Variants in MYO9B observed in about 807,000 individuals in gnomAD.
MYO9B encodes myosin IXB.
Under a neutral mutation model 229.5 loss-of-function variants are expected in MYO9B, and 71 were observed. That is an observed-to-expected ratio of 0.31 (90% CI 0.26 to 0.38). The LOEUF is 0.38. Ranked by LOEUF, MYO9B falls within the 10% of genes least tolerant of loss-of-function variation. MYO9B has a pLI of 1.00. For synonymous variants in MYO9B, 1,185 were observed against 1,235.8 expected (o/e 0.96, Z 0.86); for missense variants, 2,255 against 2,920.5 (o/e 0.77, Z 5.25).
At chr19:17,194,486 A>G (rs980199306) in intron 21 of MYO9B, 70 bp from the exon 22 acceptor site, 4 of 1,544,720 alleles carry the variant, frequency 2.6e-6, no homozygotes, top group Non-Finnish European at 3.5e-6. Flanking sequence ...TGGGGGTCCC[A>G]TCGGAACTCA....
At chr19:17,211,440 A>G (rs905896727) in intron 38 of MYO9B, among the ~76,000 whole-genome samples, 1 of 151,952 alleles carries the variant, frequency 6.6e-6, no homozygotes, top group Non-Finnish European at 1.5e-5. Context: ...ACGCCTGGCT[A>G]ATTTTTTTTA....
At position 17,212,578 on chromosome 19, in the gene MYO9B, C is replaced by G. The variant is rs1386058547; in HGVS notation, c.*268C>G. On this transcript the variant is annotated 3_prime_UTR_variant, in exon 40 of 40. Coordinates refer to ENST00000682292, the MANE Select transcript of MYO9B (RefSeq NM_004145.4). This position sits in a 1 kb window ranked among gnomAD's most constrained non-coding sequence, Gnocchi z 5.4. ...CCTGCGGCCTCACATCTCCCCACTC[C>G]CCTTTTTGTACGTTTAACTGTTTCT... The G allele has an allele frequency of 4.6e-6, 2 of 438,716 alleles. No individual in the cohort carries two copies. Among genetic ancestry groups the G allele is most frequent in the African/African-American group, 4.1e-5 (2 of 48,902 alleles). 27.2% of individuals were successfully genotyped at this position (438,716 alleles called of 1,614,324 possible).
chr19:17,149,845 A>G (rs1203721053), intron 3 of MYO9B, among the ~76,000 whole-genome samples: 1 of 152,160 alleles, frequency 6.6e-6, no homozygotes, highest in African/African-American at 2.4e-5. Context: ...GGAAGGGGCC[A>G]TCATCTGTCA....
Position 17,212,176 on chromosome 19 carries a change from C to A in MYO9B, c.6340C>A (p.Pro2114Thr). 1 of 1,581,058 alleles carries A rather than the reference C, an allele frequency of 6.3e-7. No homozygotes were observed. Among genetic ancestry groups the A allele is most frequent in the Non-Finnish European group, 8.6e-7 (1 of 1,165,042 alleles). Residue 2114 changes from proline (P) to threonine (T), a missense_variant, in exon 40 of 40, where the codon CCC becomes ACC. Physicochemically the swap from Pro to Thr is conservative, Grantham distance 38. This residue lies in a region of MYO9B where 331 missense variants were observed against 332.5 expected (regional missense o/e 1.00). Transcript: ENST00000682292. This position sits in a 1 kb window ranked among gnomAD's most constrained non-coding sequence, Gnocchi z 5.4. ...CCAGATACATTCCGTGTACATCACGCCCGGGGCAGACCTGCCAGTGCAGGG... is the reference window on the plus strand; with the variant it reads ...CCAGATACATTCCGTGTACATCACGACCGGGGCAGACCTGCCAGTGCAGGG... ...PDQIHSVYIT[P>T]GADLPVQGAL...
chr19:17,206,302 T>C lies in MYO9B; in HGVS notation c.5312T>C (p.Leu1771Pro). Residue 1771 changes from leucine to proline, a missense_variant, in exon 33 of 40, where the codon CTG becomes CCG. Physicochemically the swap from Leu to Pro is moderately conservative, Grantham distance 98 (BLOSUM62 -3). Around this residue, in one of 7 missense-constraint regions of MYO9B, gnomAD observed 416 missense variants for 605.5 expected, o/e 0.69. Transcript: ENST00000682292. The part of the protein sequence containing the change: ...NFPIHAITGV[L>P]KQWLRELPEP... ...CCCATCCACGCCATCACAGGGGTGC[T>C]GAAGCAGTGGCTGCGGGAGCTGCCC... The C allele has an allele frequency of 6.5e-7, 1 of 1,530,788 alleles. No homozygotes were observed. The highest frequency in any genetic ancestry group is 8.8e-7 in the Non-Finnish European group (1 of 1,132,658). The allele number at this position is 1,530,788 out of a possible 1,614,324, so 94.8% of individuals were successfully genotyped here.
chr19:17,175,562 G>C (rs550371047), intron 13 of MYO9B, 101 bp from the exon 14 acceptor site: 2 of 952,484 alleles, frequency 2.1e-6, no homozygotes, highest in Non-Finnish European at 3.1e-6. Flanking sequence ...CTGGGTGACA[G>C]AGCAAGACTC....
chr19:17,152,453 CT>C (rs2072488753), intron 3 of MYO9B, 190 bp from the exon 4 acceptor site: 8 of 167,166 alleles, frequency 4.8e-5, no homozygotes, highest in East Asian at 9.6e-5. Flanking sequence ...CAACCAACCA[CT>C]GTGGGGGCCG....
chr19:17,118,405 C>T (rs2057928006), intron 2 of MYO9B, among the ~76,000 whole-genome samples: 1 of 151,888 alleles, frequency 6.6e-6, no homozygotes, highest in African/African-American at 2.4e-5. Flanking sequence ...AGTTCGAGAC[C>T]AGCATGACAA....
chr19:17,090,927 G>A (rs528686927), intron 1 of MYO9B, among the ~76,000 whole-genome samples: 171 of 152,214 alleles, frequency 1.1e-3, no homozygotes, highest in Non-Finnish European at 2.1e-3. Context: ...CCAAGGGCAG[G>A]TTTCACATCC....
At chr19:17,187,861 C>A in intron 18 of MYO9B, 74 bp from the exon 19 acceptor site, 1 of 1,286,548 alleles carries the variant, frequency 7.8e-7, no homozygotes, top group Non-Finnish European at 1.1e-6. Context: ...AGTTCCCAGG[C>A]CTGAGCCAGC....
At chr19:17,102,906 CAAAAA>C (rs55723401) in intron 2 of MYO9B, among the ~76,000 whole-genome samples, 1 of 134,718 alleles carries the variant, frequency 7.4e-6, no homozygotes, top group South Asian at 2.4e-4. Flanking sequence ...GACTCCATCT[CAAAAA>C]AAAAAAAAGA....
In MYO9B at chr19:17,209,661, T is replaced by C. The variant is rs749393651; in HGVS notation, c.5700T>C (p.Ala1900=). ...TGGAGGAGATCAGCCAACTGGAGGC[T>C]GCAGAGAGTATCGCCTTCCGCAGGC... ...VKMEEISQLE[A]AESIAFRRLS... The change falls in exon 36 of 40, where the codon GCT becomes GCC. Residue 1900 remains alanine (A), a synonymous_variant. Transcript: ENST00000682292. 6.2e-7 allele frequency: 1 copy of C among 1,612,856 alleles called. No individual in the cohort carries two copies. The highest frequency in any genetic ancestry group is 1.7e-5 in the Admixed American group (1 of 59,802).
rs1021098963 is a variant in MYO9B at position 17,193,646 on chromosome 19, G to C, written c.3128+584G>C. Among the ~76,000 whole-genome samples the C allele has an allele frequency of 4.6e-5, 7 of 152,216 alleles. No individual in the cohort carries two copies. Among genetic ancestry groups the C allele is most frequent in the African/African-American group, 1.7e-4 (7 of 41,454 alleles). ...TAATCCCAACACTTTGGGAGGCCTAGATGGGAAGATCGCTTGAGCACAGGA... is the reference window on the plus strand; with the variant it reads ...TAATCCCAACACTTTGGGAGGCCTACATGGGAAGATCGCTTGAGCACAGGA... On this transcript the variant is annotated intron_variant, in intron 21 of 39. Transcript: ENST00000682292. This position sits in a 1 kb window ranked among gnomAD's most constrained non-coding sequence, Gnocchi z 4.3.
chr19:17,097,267 G>A (rs2057702100), intron 1 of MYO9B, among the ~76,000 whole-genome samples: 1 of 151,428 alleles, frequency 6.6e-6, no homozygotes, highest in Admixed American at 6.6e-5. Flanking sequence ...GTTGCAGTGA[G>A]CCAAGATCAC....
chr19:17,183,451 C>A (rs1036978104), intron 15 of MYO9B, among the ~76,000 whole-genome samples: 20 of 152,226 alleles, frequency 1.3e-4, no homozygotes, highest in African/African-American at 4.6e-4. Context: ...CTGCTGTGAT[C>A]TGGGGGATAT....
At position 17,101,355 on chromosome 19, in the gene MYO9B, C is replaced by T. The variant is rs904957452; in HGVS notation, c.-58-305C>T. 2.6e-5 allele frequency among the ~76,000 whole-genome samples: 4 copies of T among 151,822 alleles called. No homozygotes were observed. Among genetic ancestry groups the T allele is most frequent in the African/African-American group, 4.8e-5 (2 of 41,328 alleles). ...ACTATGCCTTTATTTTTTGTAGAGA[C>T]GGGGTCTCGCTATGTTGCCCAGGCT... On this transcript the variant is annotated intron_variant, in intron 1 of 39. Transcript: ENST00000682292. This position sits in a 1 kb window ranked among gnomAD's most constrained non-coding sequence, Gnocchi z 4.7.
chr19:17,093,384 C>T (rs1231646671), intron 1 of MYO9B, among the ~76,000 whole-genome samples: 1 of 152,018 alleles, frequency 6.6e-6, no homozygotes, highest in Non-Finnish European at 1.5e-5. Context: ...TCCTGTATTC[C>T]TTACCTGGAT....
intron 1 of MYO9B, among the ~76,000 whole-genome samples, chr19:17,090,213 G>T (rs559210472): frequency 7.9e-6 from 1 of 126,400 alleles, no homozygotes; most frequent in African/African-American, 3.0e-5. Flanking sequence ...GCACAATCTT[G>T]GTTCACTGCA....
chr19:17,209,779 G>A (rs556549711), intron 36 of MYO9B, 70 bp downstream of exon 36: 139 of 1,568,168 alleles, frequency 8.9e-5, no homozygotes, highest in African/African-American at 6.0e-4. Context: ...CAGGGCCTTG[G>A]GCGTGGCTTT....
Sources: gnomAD v4.1 joint callset for allele counts (sites outside exome capture counted in the v4.1 genomes callset) on GRCh38, gnomAD v4.1.1 for gene constraint, gnomAD v4.1.1 regional missense constraint, Gnocchi (gnomAD v3.1) non-coding constraint, MANE v1.5 for transcripts, NCBI Gene and HGNC (gene_info 2026-07-23, HGNC 2026-07-21) for gene names.